Variants in SAMMSON observed in about 807,000 individuals in gnomAD.
SAMMSON encodes the protein long intergenic non-protein coding RNA 1212.
chr3:70,326,197 TC>T (rs1702579525), intron 7 of SAMMSON, among the ~76,000 whole-genome samples: 1 of 152,052 alleles, frequency 6.6e-6, no homozygotes. Context: ...CTTTCTGTCT[TC>T]CTTATTTACT....
intron 4 of SAMMSON, among the ~76,000 whole-genome samples, chr3:70,165,277 G>A (rs946847821): frequency 6.6e-6 from 1 of 152,042 alleles, no homozygotes; most frequent in Admixed American, 6.6e-5. Context: ...ATAGTGTTGT[G>A]GTCTGAATGT....
chr3:70,156,285 A>G (rs1423972875), intron 4 of SAMMSON, among the ~76,000 whole-genome samples: 3 of 152,084 alleles, frequency 2.0e-5, no homozygotes, highest in Admixed American at 2.0e-4. Context: ...TTGAATTTTG[A>G]TCCCAAATCA....
chr3:70,334,590 C>T lies in SAMMSON; in HGVS notation n.740-19585C>T, dbSNP rs140747263. Among the ~76,000 whole-genome samples, 1,249 of 152,078 alleles carry T rather than the reference C, an allele frequency of 8.2e-3. 9 individuals carry two copies. Among genetic ancestry groups the T allele is most frequent in the Non-Finnish European group, 0.013 (858 of 67,928 alleles). ...AATATGTAATTATTATAAATAAGTG[C>T]TTCCCTTTATTGAATGCTTAATTGT... On this transcript the variant is annotated intron_variant and non_coding_transcript_variant, in intron 7 of 9. Coordinates refer to ENST00000642114, the Ensembl canonical transcript of SAMMSON.
At chr3:70,197,075 G>A (rs1314320782) in intron 4 of SAMMSON, 8 of 398,566 alleles carry the variant, frequency 2.0e-5, no homozygotes, top group South Asian at 1.3e-4. Flanking sequence ...TGATACCGGC[G>A]AGAGGGGCAG....
At chr3:70,193,955 G>A (rs1336955551) in intron 4 of SAMMSON, among the ~76,000 whole-genome samples, 1 of 152,140 alleles carries the variant, frequency 6.6e-6, no homozygotes, top group Non-Finnish European at 1.5e-5. Context: ...AAAAAAAACT[G>A]AAGCGACTTT....
intron 3 of SAMMSON, chr3:70,069,139 A>T (rs1034526613): frequency 3.9e-5 from 6 of 152,110 alleles, no homozygotes; most frequent in African/African-American, 1.4e-4. Flanking sequence ...TTAGTTTCAC[A>T]AATTCAATAT....
At chr3:70,184,137 A>G (rs1445836594) in intron 4 of SAMMSON, 2 of 152,242 alleles carry the variant, frequency 1.3e-5, no homozygotes, top group Admixed American at 6.5e-5. Flanking sequence ...ATAATACCCA[A>G]TGCAATGTAT....
At chr3:70,258,484 T>C (rs1701837847) in intron 6 of SAMMSON, among the ~76,000 whole-genome samples, 1 of 152,126 alleles carries the variant, frequency 6.6e-6, no homozygotes, top group Non-Finnish European at 1.5e-5. Flanking sequence ...CAACCGAAAC[T>C]GAAGATAGAT....
intron 4 of SAMMSON, among the ~76,000 whole-genome samples, chr3:70,088,441 A>G (rs2067293329): frequency 6.6e-6 from 1 of 152,168 alleles, no homozygotes. Flanking sequence ...GATGTTCACC[A>G]TGGTGCATCC....
intron 6 of SAMMSON, among the ~76,000 whole-genome samples, chr3:70,280,267 G>A (rs1181057163): frequency 6.6e-6 from 1 of 152,046 alleles, no homozygotes; most frequent in Non-Finnish European, 1.5e-5. Flanking sequence ...AAATTTAGGT[G>A]CCACTCATGT....
At chr3:70,131,483 G>A (rs1470761745) in intron 4 of SAMMSON, among the ~76,000 whole-genome samples, 1 of 152,136 alleles carries the variant, frequency 6.6e-6, no homozygotes, top group Non-Finnish European at 1.5e-5. Context: ...CTGGGGCAGG[G>A]TGAATACTGG....
chr3:70,323,289 G>A (rs1029893629), intron 7 of SAMMSON, among the ~76,000 whole-genome samples: 51 of 152,042 alleles, frequency 3.4e-4, no homozygotes, highest in African/African-American at 2.7e-4. Flanking sequence ...TGTTCATTTC[G>A]TACTAAGTGG....
intron 7 of SAMMSON, among the ~76,000 whole-genome samples, chr3:70,302,279 G>GAA (rs1702356812): frequency 6.6e-6 from 1 of 151,692 alleles, no homozygotes; most frequent in South Asian, 2.1e-4. Flanking sequence ...TTTACTAATG[G>GAA]TCTGGTGAAC....
chr3:70,084,500 A>T (rs2067278858), intron 4 of SAMMSON, among the ~76,000 whole-genome samples: 1 of 152,158 alleles, frequency 6.6e-6, no homozygotes, highest in South Asian at 2.1e-4. Context: ...CAGAGGATAT[A>T]CTGGGGTTGG....
At chr3:70,119,674 CAAGAAAAATGTTTAAATA>C (rs2067424969) in intron 4 of SAMMSON, among the ~76,000 whole-genome samples, 1 of 151,932 alleles carries the variant, frequency 6.6e-6, no homozygotes. Flanking sequence ...AAGGTTATAT[CAAGAAAAATGTTTAAATA>C]CATTAAAAGA....
At chr3:70,289,758 T>G (rs1027485686) in intron 6 of SAMMSON, among the ~76,000 whole-genome samples, 3 of 152,186 alleles carry the variant, frequency 2.0e-5, no homozygotes, top group African/African-American at 4.8e-5. Flanking sequence ...TTTGCTCGTT[T>G]CTTTTTATTC....
intron 7 of SAMMSON, among the ~76,000 whole-genome samples, chr3:70,319,298 G>A (rs144496992): frequency 2.0e-5 from 3 of 152,186 alleles, no homozygotes; most frequent in Non-Finnish European, 4.4e-5. Context: ...GTGAAGTCGA[G>A]AGCTGGAGCA....
At chr3:70,375,696 A>T (rs1278350228) in intron 9 of SAMMSON, among the ~76,000 whole-genome samples, 1 of 152,038 alleles carries the variant, frequency 6.6e-6, no homozygotes, top group African/African-American at 2.4e-5. Context: ...CAGGTTTAAG[A>T]GTGTTTCTAT....
chr3:70,215,835 T>C (rs1247224347), intron 4 of SAMMSON, among the ~76,000 whole-genome samples: 1 of 152,126 alleles, frequency 6.6e-6, no homozygotes, highest in Non-Finnish European at 1.5e-5. Context: ...TGGTTTTCAG[T>C]TGACAATGGA....
Sources: allele counts gnomAD v4.1 joint callset (sites outside exome capture counted in the v4.1 genomes callset), GRCh38; gene constraint gnomAD v4.1.1; transcripts MANE v1.5; gene names NCBI Gene and HGNC (gene_info 2026-07-23, HGNC 2026-07-21).